Variants in OPA3 observed in about 807,000 individuals in gnomAD.
The protein encoded by OPA3 is optic atrophy 3 protein.
In OPA3, 6 loss-of-function variants were observed where a neutral mutation model predicts 4.0. The ratio of observed to expected loss-of-function variants is 1.51; its 90% CI spans 0.83 to 2.99. OPA3 has a LOEUF of 2.99. Among genes scored for constraint, OPA3 ranks in the 30% most tolerant of loss-of-function variants. The pLI, the probability that OPA3 is intolerant of heterozygous loss-of-function variation, is 0.00. For missense variants in OPA3, 235 were observed against 256.2 expected (o/e 0.92, Z 0.56); for synonymous variants, 105 against 117.1 (o/e 0.90, Z 0.67).
Position 45,584,632 on chromosome 19 carries a change from G to A in OPA3, c.133C>T (p.Pro45Ser), listed in dbSNP as rs1176992052. ...TTCGGGTCAGACTCACGTTGAGCCG[G>A]CGGGAGGCAGATATAGGTCTTGAAG... ...EFFKTYICLPPAQLYHWVEMR... is the reference protein window; with the variant it reads ...EFFKTYICLPSAQLYHWVEMR... The change falls in exon 1 of 2, where the codon CCG becomes TCG. Residue 45 changes from proline to serine, a missense_variant. Transcript: ENST00000263275. The A allele has an allele frequency of 6.2e-7, 1 of 1,614,220 alleles. No homozygotes were observed. The highest frequency in any genetic ancestry group is 8.5e-7 in the Non-Finnish European group (1 of 1,180,030).
intron 1 of OPA3, among the ~76,000 whole-genome samples, chr19:45,560,231 C>T (rs1208813672): frequency 6.6e-6 from 1 of 151,866 alleles, no homozygotes; most frequent in Non-Finnish European, 1.5e-5. Context: ...CAGATGTCCC[C>T]TCCTCCAGGA....
At chr19:45,558,129 C>T (rs1047781203) in intron 1 of OPA3, among the ~76,000 whole-genome samples, 2 of 152,054 alleles carry the variant, frequency 1.3e-5, no homozygotes, top group African/African-American at 4.8e-5. Context: ...GTAAGGAGTT[C>T]AAGACCAGCC....
chr19:45,567,957 TC>T (rs910669570), intron 1 of OPA3, among the ~76,000 whole-genome samples: 5 of 152,110 alleles, frequency 3.3e-5, no homozygotes, highest in African/African-American at 7.2e-5. Context: ...TGGTTGCACT[TC>T]CCCAGATGTG....
At chr19:45,581,460 C>CA (rs1257803428) in intron 1 of OPA3, among the ~76,000 whole-genome samples, 4 of 152,226 alleles carry the variant, frequency 2.6e-5, no homozygotes, top group African/African-American at 9.6e-5. Flanking sequence ...CCCTGAACCC[C>CA]ATGCCATGTC....
chr19:45,580,144 G>C lies in OPA3; in HGVS notation c.142+4479C>G, dbSNP rs368493462. On this transcript the variant is annotated intron_variant, in intron 1 of 1. Transcript: ENST00000263275. ...CCCGAGTAGCTGGGATTACAGGCGC[G>C]TGCCACCACGCCCAGCTAATTTTTG... Among the ~76,000 whole-genome samples, 286 of 148,422 alleles carry C rather than the reference G, an allele frequency of 1.9e-3. 2 individuals carry two copies. Among genetic ancestry groups the C allele is most frequent in the African/African-American group, 6.8e-3 (275 of 40,564 alleles).
chr19:45,570,344 G>A (rs1413595853), intron 1 of OPA3, among the ~76,000 whole-genome samples: 2 of 152,182 alleles, frequency 1.3e-5, no homozygotes, highest in Non-Finnish European at 2.9e-5. Flanking sequence ...CTGAGACTAT[G>A]TGCCTTAGTT....
chr19:45,530,312 C>G (rs1279822374), intron 1 of OPA3, among the ~76,000 whole-genome samples: 1 of 152,036 alleles, frequency 6.6e-6, no homozygotes, highest in African/African-American at 2.4e-5. Context: ...CGAGATCATG[C>G]CACTGTACTC....
At chr19:45,528,677 T>A (rs1482862249) in exon 2 of OPA3, 3 of 227,340 alleles carry the variant, frequency 1.3e-5, no homozygotes, top group African/African-American at 6.9e-5. Context: ...GGTGGCTAAA[T>A]CCGGGTGCAG....
At chr19:45,532,244 A>G (rs1969068257) in intron 1 of OPA3, among the ~76,000 whole-genome samples, 1 of 152,176 alleles carries the variant, frequency 6.6e-6, no homozygotes, top group Non-Finnish European at 1.5e-5. Flanking sequence ...TGCTGTCCAC[A>G]ACTGTACCAG....
intron 1 of OPA3, among the ~76,000 whole-genome samples, chr19:45,539,528 G>C (rs530155772): frequency 4.6e-5 from 7 of 152,188 alleles, no homozygotes; most frequent in African/African-American, 1.7e-4. Context: ...TATTGCCCAG[G>C]CTGGTCTCAA....
intron 1 of OPA3, among the ~76,000 whole-genome samples, chr19:45,572,828 G>A (rs1392671200): frequency 8.2e-5 from 11 of 133,432 alleles, no homozygotes; most frequent in African/African-American, 2.3e-4. Flanking sequence ...TATATATCTC[G>A]ATATATATCT....
chr19:45,542,166 AG>A (rs1969192728), downstream of OPA3, among the ~76,000 whole-genome samples: 1 of 152,126 alleles, frequency 6.6e-6, no homozygotes, highest in Non-Finnish European at 1.5e-5. Context: ...GGTCCATATG[AG>A]CCATGCTGTG....
At position 45,549,226 on chromosome 19, in the gene OPA3, C is replaced by G; in HGVS notation, c.*4288G>C. 1.0e-6 allele frequency: 1 copy of G among 985,406 alleles called. No homozygotes were observed. The highest frequency in any genetic ancestry group is 1.2e-6 in the Non-Finnish European group (1 of 829,932). The allele number at this position is 985,406 out of a possible 1,614,324, so 61.0% of individuals were successfully genotyped here. ...GTACACAGAATTCTAGCTAGCAGAA[C>G]ACACGAGCAGTGAACCATCCTCTGG... On this transcript the variant is annotated 3_prime_UTR_variant, in exon 2 of 2. Transcript: ENST00000263275.
In OPA3 at chr19:45,570,625, T is replaced by C. The variant is rs541706818; in HGVS notation, c.142+13998A>G. 8.5e-5 allele frequency among the ~76,000 whole-genome samples: 13 copies of C among 152,214 alleles called. 1 individual carries two copies. In the East Asian group the frequency reaches 2.5e-3, roughly 29 times the overall value. On this transcript the variant is annotated intron_variant, in intron 1 of 1. Coordinates refer to ENST00000263275, the MANE Select transcript of OPA3 (RefSeq NM_025136.4). ...TTGCTTGAACCTGGGAGGTGGAGGCTGCAGCGAGCTGAGATTGAACCACTG... is the reference window on the plus strand; with the variant it reads ...TTGCTTGAACCTGGGAGGTGGAGGCCGCAGCGAGCTGAGATTGAACCACTG...
downstream of OPA3, among the ~76,000 whole-genome samples, chr19:45,541,569 G>A (rs999357899): frequency 1.3e-5 from 2 of 151,940 alleles, no homozygotes; most frequent in African/African-American, 4.8e-5. Context: ...ATAAATAAGA[G>A]AAATTTTTTT....
chr19:45,548,185 G>A lies in OPA3; in HGVS notation c.*5329C>T, dbSNP rs1599958048. The A allele has an allele frequency of 2.0e-6, 2 of 986,174 alleles. No individual in the cohort carries two copies. The highest frequency in any genetic ancestry group is 5.2e-4 in the Middle Eastern group (1 of 1,920). 61.1% of individuals were successfully genotyped at this position (986,174 alleles called of 1,614,324 possible). On this transcript the variant is annotated 3_prime_UTR_variant, in exon 2 of 2. Transcript: ENST00000263275. ...CTCCAGCTACAAGCCATTGCCACTG[G>A]GGGACCCAAGCCTGCCACTCAGCAA...
At chr19:45,562,132 GA>G (rs1351217674) in intron 1 of OPA3, among the ~76,000 whole-genome samples, 6 of 151,748 alleles carry the variant, frequency 4.0e-5, no homozygotes, top group Admixed American at 1.3e-4. Context: ...TGGATCACTT[GA>G]AGTCAGGAGT....
intron 1 of OPA3, among the ~76,000 whole-genome samples, chr19:45,563,755 C>T (rs1162248886): frequency 6.6e-6 from 1 of 151,788 alleles, no homozygotes; most frequent in African/African-American, 2.4e-5. Context: ...GGGGTTTCAC[C>T]ATGTTGGCCA....
At chr19:45,536,317 G>A (rs1194425375) in intron 1 of OPA3, among the ~76,000 whole-genome samples, 2 of 151,886 alleles carry the variant, frequency 1.3e-5, no homozygotes, top group African/African-American at 4.8e-5. Flanking sequence ...GCTGAGGCAG[G>A]CGGATCACAT....
Sources: gnomAD v4.1 joint callset for allele counts (sites outside exome capture counted in the v4.1 genomes callset) on GRCh38, gnomAD v4.1.1 for gene constraint, MANE v1.5 for transcripts, NCBI Gene and HGNC (gene_info 2026-07-23, HGNC 2026-07-21) for gene names.